Variants in ZNF438 observed in about 807,000 individuals in gnomAD.
ZNF438 encodes zinc finger protein 438.
Under a neutral mutation model 38.0 loss-of-function variants are expected in ZNF438, and 25 were observed. That is an observed-to-expected ratio of 0.66 (90% CI 0.48 to 0.92). The LOEUF is 0.92. Ranked by LOEUF, ZNF438 falls within the 40% of genes least tolerant of loss-of-function variation. The pLI is 0.00. For synonymous variants in ZNF438, 372 were observed against 364.1 expected, an observed-to-expected ratio of 1.02 and a Z score of -0.25; for missense variants, 1,007 against 999.6, an observed-to-expected ratio of 1.01 and a Z score of -0.10.
intron 4 of ZNF438, among the ~76,000 whole-genome samples, chr10:30,871,668 CTGCAAGACATAGAA>C (rs1370137303): frequency 3.3e-5 from 5 of 152,166 alleles, no homozygotes; most frequent in Non-Finnish European, 1.5e-5. Context: ...ACTTTTATGT[CTGCAAGACATAGAA>C]TACATTTTTT....
At chr10:30,963,975 T>C (rs958621722) in intron 1 of ZNF438, among the ~76,000 whole-genome samples, 12 of 152,178 alleles carry the variant, frequency 7.9e-5, no homozygotes, top group African/African-American at 2.9e-4. Flanking sequence ...CCTGTCTTCC[T>C]GCTGAAATTT....
At chr10:30,896,131 T>A (rs1160010427) in intron 3 of ZNF438, among the ~76,000 whole-genome samples, 1 of 151,594 alleles carries the variant, frequency 6.6e-6, no homozygotes, top group African/African-American at 2.4e-5. Flanking sequence ...CCATCTCTAC[T>A]AAAAATACAA....
chr10:30,979,901 T>G (rs938839326), intron 1 of ZNF438, among the ~76,000 whole-genome samples: 2 of 152,206 alleles, frequency 1.3e-5, no homozygotes, highest in Non-Finnish European at 2.9e-5. Flanking sequence ...AAACTAGGAA[T>G]GCTAAAGCTG....
At position 30,873,475 on chromosome 10, in the gene ZNF438, G is replaced by A. The variant is rs374836101; in HGVS notation, c.37+3523C>T. Among the ~76,000 whole-genome samples the A allele has an allele frequency of 2.6e-4, 39 of 152,186 alleles. 1 individual carries two copies. The highest frequency in any genetic ancestry group is 1.7e-3 in the East Asian group (9 of 5,166). ...AGCTCTTCCTAGCTTTAAACCCCTG[G>A]CTTAAATTCCACTTGCTTGACTTGT... On this transcript the variant is annotated intron_variant, in intron 4 of 5. Coordinates refer to ENST00000413025, the Ensembl canonical transcript of ZNF438.
At chr10:31,031,983 C>A (rs1238222421), upstream of ZNF438, 1 of 152,024 alleles carries the variant, frequency 6.6e-6, no homozygotes, top group Non-Finnish European at 1.5e-5. Flanking sequence ...CCGAGCTCCA[C>A]GCCCTCGAGC....
chr10:30,972,781 CA>C (rs1302679566), intron 1 of ZNF438, among the ~76,000 whole-genome samples: 2 of 152,192 alleles, frequency 1.3e-5, no homozygotes, highest in African/African-American at 4.8e-5. Flanking sequence ...CTCAAAGAGC[CA>C]TGGGATTCAA....
At chr10:31,018,216 T>C (rs2056345563) in intron 1 of ZNF438, among the ~76,000 whole-genome samples, 1 of 152,216 alleles carries the variant, frequency 6.6e-6, no homozygotes. Flanking sequence ...ATGCCCCATA[T>C]TACTGGCCTC....
At chr10:30,950,994 CCTCAA>C (rs2135781033) in intron 1 of ZNF438, among the ~76,000 whole-genome samples, 2 of 140,156 alleles carry the variant, frequency 1.4e-5, no homozygotes, top group East Asian at 3.9e-4. Flanking sequence ...ATGCAAAAAT[CCTCAA>C]TAAAATACTG....
intron 3 of ZNF438, among the ~76,000 whole-genome samples, chr10:30,896,967 CTT>C (rs1258723720): frequency 6.6e-6 from 1 of 152,102 alleles, no homozygotes; most frequent in Admixed American, 6.5e-5. Context: ...AGTCTTTTAA[CTT>C]TTACTGGAAG....
rs181796143 is a variant in ZNF438, at chr10:31,024,606, C to A, written c.-192+7227G>T. Reference sequence around the variant, plus strand: ...TCGCGCCACTGCGCTCCAGCCTGAGCGACAGAGCGAGACTCTGTCTCAAAA... The same window carrying A: ...TCGCGCCACTGCGCTCCAGCCTGAGAGACAGAGCGAGACTCTGTCTCAAAA... On this transcript the variant is annotated intron_variant, in intron 1 of 5. Coordinates refer to ENST00000413025, the Ensembl canonical transcript of ZNF438. Among the ~76,000 whole-genome samples the A allele has an allele frequency of 5.6e-3, 850 of 150,926 alleles. 12 individuals carry two copies. Among genetic ancestry groups the A allele is most frequent in the African/African-American group, 0.02 (817 of 41,034 alleles).
intron 1 of ZNF438, among the ~76,000 whole-genome samples, chr10:30,984,758 A>G (rs2052587754): frequency 6.6e-6 from 1 of 152,234 alleles, no homozygotes; most frequent in South Asian, 2.1e-4. Flanking sequence ...AAACAGTCAC[A>G]AACAAGTGAT....
exon 5 of ZNF438, chr10:30,849,787 T>C (rs911889416): frequency 6.2e-6 from 10 of 1,614,066 alleles, no homozygotes; most frequent in Non-Finnish European, 8.5e-6. Context: ...TGTTGGTCAC[T>C]GGTGGTCTCA....
intron 4 of ZNF438, among the ~76,000 whole-genome samples, chr10:30,870,554 A>G (rs2037241887): frequency 6.6e-6 from 1 of 152,132 alleles, no homozygotes; most frequent in Non-Finnish European, 1.5e-5. Flanking sequence ...CTCTACGGAG[A>G]AAACACTTGT....
chr10:30,879,276 G>C (rs993335567), intron 3 of ZNF438, among the ~76,000 whole-genome samples: 5 of 152,170 alleles, frequency 3.3e-5, no homozygotes, highest in African/African-American at 1.2e-4. Context: ...GCCTTAGTAG[G>C]GGGGAATACT....
intron 4 of ZNF438, among the ~76,000 whole-genome samples, chr10:30,872,020 C>T (rs2037488141): frequency 6.6e-6 from 1 of 152,142 alleles, no homozygotes; most frequent in African/African-American, 2.4e-5. Context: ...GGTAGAAGAA[C>T]TGTATAAGAA....
intron 4 of ZNF438, among the ~76,000 whole-genome samples, chr10:30,861,969 G>C (rs1313746428): frequency 6.6e-6 from 1 of 152,262 alleles, no homozygotes; most frequent in East Asian, 1.9e-4. Flanking sequence ...CTTCTGAAAT[G>C]CTTTGTTAAC....
chr10:30,853,263 T>C (rs897868343), intron 4 of ZNF438, among the ~76,000 whole-genome samples: 3 of 152,216 alleles, frequency 2.0e-5, no homozygotes, highest in Non-Finnish European at 4.4e-5. Flanking sequence ...ATTCACCCTC[T>C]TGAAAGAATA....
chr10:31,013,320 A>G (rs1450167305), intron 1 of ZNF438, among the ~76,000 whole-genome samples: 1 of 149,392 alleles, frequency 6.7e-6, no homozygotes, highest in Non-Finnish European at 1.5e-5. Context: ...CTCCGTCTCA[A>G]AAAAAAAAAA....
At chr10:30,951,599 C>A (rs2048204151) in intron 1 of ZNF438, among the ~76,000 whole-genome samples, 1 of 152,110 alleles carries the variant, frequency 6.6e-6, no homozygotes, top group African/African-American at 2.4e-5. Context: ...TTCTTATATA[C>A]CAGCAACAGA....
Sources: gnomAD v4.1 joint callset for allele counts (sites outside exome capture counted in the v4.1 genomes callset) on GRCh38, gnomAD v4.1.1 for gene constraint, MANE v1.5 for transcripts, NCBI Gene and HGNC (gene_info 2026-07-23, HGNC 2026-07-21) for gene names.